PPEF1: variants seen among roughly 807,000 people sequenced by gnomAD.
The protein encoded by PPEF1 is protein phosphatase with EF-hand domain 1.
PPEF1 carries 12 observed loss-of-function variants against 53.3 expected under a neutral mutation model. The observed-to-expected ratio is 0.23, with a 90% CI of 0.14 to 0.36. The LOEUF is 0.36. Ranked by LOEUF, PPEF1 falls within the 10% of genes least tolerant of loss-of-function variation. The pLI, the probability that PPEF1 is intolerant of heterozygous loss-of-function variation, is 1.00. For synonymous variants in PPEF1, 165 were observed against 176.7 expected (o/e 0.93, Z 0.52); for missense variants, 334 against 490.4 (o/e 0.68, Z 3.01).
intron 13 of PPEF1, among the ~76,000 whole-genome samples, chrX:18,822,025 G>A (rs2047071274): frequency 9.0e-6 from 1 of 111,273 alleles, no homozygotes; most frequent in Non-Finnish European, 1.9e-5. Context: ...CAGGACTGGA[G>A]AGGATGGAGC....
intron 6 of PPEF1, among the ~76,000 whole-genome samples, chrX:18,766,734 A>G: frequency 1.8e-5 from 2 of 112,485 alleles, no homozygotes; most frequent in African/African-American, 6.4e-5. Context: ...GAAAAGTCAG[A>G]CATAATGACA....
At chrX:18,703,089 A>G (rs2044119302), upstream of PPEF1, among the ~76,000 whole-genome samples, 1 of 110,948 alleles carries the variant, frequency 9.0e-6, no homozygotes, top group African/African-American at 3.3e-5. Context: ...AATCATTTTT[A>G]TCAGCTTTAC....
intron 9 of PPEF1, 53 bp downstream of exon 9, chrX:18,784,101 A>G: frequency 1.0e-6 from 1 of 988,575 alleles, no homozygotes; most frequent in Non-Finnish European, 1.4e-6. Context: ...AAGGGAATAC[A>G]TACCTCTTCA....
At chrX:18,698,623 A>G (rs1929869576) in intron 5 of PPEF1, among the ~76,000 whole-genome samples, 1 of 111,604 alleles carries the variant, frequency 9.0e-6, no homozygotes, top group Non-Finnish European at 1.9e-5. Context: ...CGTCTGTACT[A>G]AAAATACAAA....
chrX:18,816,902 A>G (rs1279464186), intron 12 of PPEF1, among the ~76,000 whole-genome samples: 3 of 110,414 alleles, frequency 2.7e-5, no homozygotes, highest in Non-Finnish European at 5.7e-5. Flanking sequence ...TTCCTTTTAA[A>G]CTCTTTGTAT....
chrX:18,731,692 T>TC (rs773960096), intron 2 of PPEF1, among the ~76,000 whole-genome samples: 17 of 111,735 alleles, frequency 1.5e-4, no homozygotes, highest in African/African-American at 4.2e-4. Context: ...TGTGCAAACA[T>TC]CCCCACAGTC....
intron 1 of PPEF1, among the ~76,000 whole-genome samples, chrX:18,683,947 A>G (rs1157896798): frequency 8.9e-6 from 1 of 112,212 alleles, no homozygotes; most frequent in East Asian, 2.8e-4. Flanking sequence ...AAAATCCCTC[A>G]TTTTTAATGC....
At chrX:18,821,088 T>A (rs766557689) in intron 13 of PPEF1, among the ~76,000 whole-genome samples, 64 of 107,925 alleles carry the variant, frequency 5.9e-4, no homozygotes, top group African/African-American at 1.2e-3. Flanking sequence ...CCAGGCGTGG[T>A]GGCGGGCGCC....
At chrX:18,714,772 C>T (rs189394444) in intron 1 of PPEF1, among the ~76,000 whole-genome samples, 88 of 112,232 alleles carry the variant, frequency 7.8e-4, no homozygotes, top group African/African-American at 2.5e-3. Context: ...GTTGGCCAGG[C>T]CCTGTAACAT....
chrX:18,719,460 C>T (rs1354334479), intron 1 of PPEF1, among the ~76,000 whole-genome samples: 1 of 109,698 alleles, frequency 9.1e-6, no homozygotes, highest in Non-Finnish European at 1.9e-5. Flanking sequence ...GATCCTCCCA[C>T]CTCAACCTCC....
Position 18,740,444 on chromosome X carries a change from C to G in PPEF1, c.235+6636C>G, listed in dbSNP as rs184094122. 2.2e-3 allele frequency among the ~76,000 whole-genome samples: 232 copies of G among 105,443 alleles called. 1 individual carries two copies. Among genetic ancestry groups the G allele is most frequent in the African/African-American group, 7.7e-3 (224 of 28,930 alleles). The allele number at this position is 105,443 out of a possible 115,157, so 91.6% of individuals were successfully genotyped here. ...TTTTTTTTTGAGACAGAGTCTCGCT[C>G]TGTTTCCCAGGCTGCAGTGCAGTGG... is the stretch of plus-strand genomic sequence containing the variant. On this transcript the variant is annotated intron_variant, in intron 3 of 15. Coordinates refer to ENST00000470157, the MANE Select transcript of PPEF1 (RefSeq NM_001377996.1).
upstream of PPEF1, among the ~76,000 whole-genome samples, chrX:18,681,202 C>T (rs1267448437): frequency 1.8e-5 from 2 of 111,779 alleles, no homozygotes; most frequent in Non-Finnish European, 3.8e-5. Flanking sequence ...TGGTCTTGAT[C>T]TCTTGACCTC....
At chrX:18,749,725 A>G in intron 3 of PPEF1, 67 bp from the exon 4 acceptor site, 2 of 807,519 alleles carry the variant, frequency 2.5e-6, no homozygotes, top group Non-Finnish European at 3.6e-6. Flanking sequence ...TATTTATTAA[A>G]TTTAAGTATT....
At chrX:18,694,453 TA>T (rs201959896) in intron 4 of PPEF1, among the ~76,000 whole-genome samples, 39 of 108,184 alleles carry the variant, frequency 3.6e-4, no homozygotes, top group Admixed American at 4.9e-4. Context: ...GATATTGTAT[TA>T]AAAAAAAAAA....
chrX:18,822,979 A>G lies in PPEF1; in HGVS notation c.1502-944A>G, dbSNP rs111475405. 8.2e-3 allele frequency among the ~76,000 whole-genome samples: 921 copies of G among 111,668 alleles called. 10 individuals are homozygous for G. Among genetic ancestry groups the G allele is most frequent in the African/African-American group, 0.028 (874 of 30,809 alleles). Reference sequence around the variant, plus strand: ...AGAACAAGGTGGGAAGACTTTCCCTATTATATATCAAGATCTATTATAAAA... The same window carrying G: ...AGAACAAGGTGGGAAGACTTTCCCTGTTATATATCAAGATCTATTATAAAA... On this transcript the variant is annotated intron_variant, in intron 13 of 15. Coordinates refer to ENST00000470157, the MANE Select transcript of PPEF1 (RefSeq NM_001377996.1).
chrX:18,788,055 G>A (rs912673296), intron 9 of PPEF1, among the ~76,000 whole-genome samples: 14 of 111,886 alleles, frequency 1.3e-4, no homozygotes, highest in Admixed American at 7.5e-4. Context: ...AGTGGCTCAC[G>A]CCTGTAATCC....
chrX:18,827,560 C>A lies in PPEF1; in HGVS notation c.*73C>A. ...ATCACAAGTACAGTCCTTTCCAACA[C>A]CCCTGAAATTCATAGTCAGTAGCAG... On this transcript the variant is annotated 3_prime_UTR_variant, in exon 16 of 16. Coordinates refer to ENST00000470157, the MANE Select transcript of PPEF1 (RefSeq NM_001377996.1). 1.2e-6 allele frequency: 1 copy of A among 835,184 alleles called. No homozygotes were observed. Among genetic ancestry groups the A allele is most frequent in the South Asian group, 2.4e-5 (1 of 41,045 alleles). The allele number at this position is 835,184 out of a possible 1,213,427, so 68.8% of individuals were successfully genotyped here. A position where few individuals can be genotyped will look rare whatever the true frequency, so the allele number is the denominator to read the frequency against.
chrX:18,676,723 C>T (rs1432926846), intron 1 of PPEF1, among the ~76,000 whole-genome samples: 1 of 112,037 alleles, frequency 8.9e-6, no homozygotes, highest in Non-Finnish European at 1.9e-5. Context: ...AAAGTTACAC[C>T]CACTGGTTGT....
intron 11 of PPEF1, among the ~76,000 whole-genome samples, chrX:18,806,051 A>G (rs926335656): frequency 8.1e-5 from 9 of 110,599 alleles, no homozygotes; most frequent in African/African-American, 3.0e-4. Context: ...CTGAATGCTC[A>G]ACTATTACAA....
Sources: gnomAD v4.1 joint callset for allele counts (sites outside exome capture counted in the v4.1 genomes callset) on GRCh38, gnomAD v4.1.1 for gene constraint, MANE v1.5 for transcripts, NCBI Gene and HGNC (gene_info 2026-07-23, HGNC 2026-07-21) for gene names.